The following SEZ6L variants were observed in gnomAD, a reference collection of about 807,000 sequenced individuals.
SEZ6L encodes the protein seizure related 6 homolog like.
In SEZ6L, 37 loss-of-function variants were observed where a neutral mutation model predicts 106.2. The observed-to-expected ratio is 0.35, with a 90% confidence interval of 0.27 to 0.46. The LOEUF is 0.46. Ranked by LOEUF, SEZ6L falls within the 20% of genes least tolerant of loss-of-function variation. The pLI is 1.00. For missense variants in SEZ6L, 1,172 were observed against 1,332.8 expected (o/e 0.88, Z 1.88); for synonymous variants, 541 against 570.4 (o/e 0.95, Z 0.73).
intron 1 of SEZ6L, among the ~76,000 whole-genome samples, chr22:26,282,730 C>G (rs2080812626): frequency 6.6e-6 from 1 of 152,114 alleles, no homozygotes; most frequent in Admixed American, 6.5e-5. Context: ...TCCAGCTGCC[C>G]CAGATTCCAT....
At chr22:26,324,699 A>C (rs1043148572) in intron 9 of SEZ6L, among the ~76,000 whole-genome samples, 2 of 152,194 alleles carry the variant, frequency 1.3e-5, no homozygotes, top group Non-Finnish European at 2.9e-5. Flanking sequence ...GCAAGAGGAG[A>C]CAGGATTTCC....
intron 1 of SEZ6L, among the ~76,000 whole-genome samples, chr22:26,219,167 C>T (rs2078383578): frequency 6.6e-6 from 1 of 151,964 alleles, no homozygotes; most frequent in Non-Finnish European, 1.5e-5. Flanking sequence ...ATAGCATCAC[C>T]TTACTCACAG....
chr22:26,285,986 C>T (rs2080922640), intron 1 of SEZ6L, among the ~76,000 whole-genome samples: 1 of 152,214 alleles, frequency 6.6e-6, no homozygotes, highest in African/African-American at 2.4e-5. Flanking sequence ...TATTTATTTT[C>T]AGTTTTGTCC....
chr22:26,305,904 C>G (rs1281289477), intron 5 of SEZ6L, 75 bp from the exon 6 acceptor site: 11 of 1,314,498 alleles, frequency 8.4e-6, no homozygotes, highest in Non-Finnish European at 1.1e-5. Context: ...CTCTCTCTCT[C>G]TTTCTCTCTG....
chr22:26,311,818 A>G lies in SEZ6L; in HGVS notation c.1732A>G (p.Thr578Ala), dbSNP rs1192544833. 1 of 1,614,068 alleles carries G rather than the reference A, an allele frequency of 6.2e-7. No individual in the cohort carries two copies. Among genetic ancestry groups the G allele is most frequent in the African/African-American group, 1.3e-5 (1 of 74,926 alleles). Residue 578 changes from threonine to alanine, a missense_variant, in exon 8 of 17, where the codon ACT becomes GCT. By Grantham distance (58) the Thr-to-Ala change is moderately conservative. Coordinates refer to ENST00000248933, the MANE Select transcript of SEZ6L (RefSeq NM_021115.5). ...GCCCTACATCCAGAATGGGAACTTC[A>G]CTACATCCGACCCGACCTATAACAT... ...YEPYIQNGNF[T>A]TSDPTYNIGT...
chr22:26,326,950 T>A (rs1381888863), intron 9 of SEZ6L, among the ~76,000 whole-genome samples: 2 of 152,108 alleles, frequency 1.3e-5, no homozygotes, highest in African/African-American at 2.4e-5. Flanking sequence ...CTTGGAGGAG[T>A]TCCCACGCCA....
intron 1 of SEZ6L, among the ~76,000 whole-genome samples, chr22:26,195,250 A>G (rs753323385): frequency 6.6e-6 from 1 of 152,232 alleles, no homozygotes; most frequent in Non-Finnish European, 1.5e-5. Context: ...ATGATAAAGC[A>G]AAGAGGGGGT....
intron 9 of SEZ6L, among the ~76,000 whole-genome samples, chr22:26,332,550 G>T (rs2082519432): frequency 6.6e-6 from 1 of 151,400 alleles, no homozygotes; most frequent in Non-Finnish European, 1.5e-5. Context: ...GTGCTCAAGT[G>T]ATCTTCCCAC....
intron 16 of SEZ6L, among the ~76,000 whole-genome samples, chr22:26,379,614 A>T (rs1403015950): frequency 6.9e-6 from 1 of 145,964 alleles, no homozygotes; most frequent in Non-Finnish European, 1.5e-5. Flanking sequence ...CATTACTCAC[A>T]CTCCATAAAT....
At chr22:26,298,305 C>T (rs11703422) in intron 4 of SEZ6L, among the ~76,000 whole-genome samples, 1 of 152,162 alleles carries the variant, frequency 6.6e-6, no homozygotes, top group African/African-American at 2.4e-5. Flanking sequence ...GGTGAAGAAG[C>T]TAGGATGAAT....
chr22:26,212,294 G>A (rs1455542530), intron 1 of SEZ6L, among the ~76,000 whole-genome samples: 1 of 152,144 alleles, frequency 6.6e-6, no homozygotes, highest in Non-Finnish European at 1.5e-5. Flanking sequence ...TTTCAGCCAG[G>A]AAACTCCATT....
chr22:26,310,919 T>C (rs666627), intron 7 of SEZ6L, 83 bp downstream of exon 7: 325,693 of 1,399,330 alleles, frequency 0.23, 40,359 homozygotes, highest in Non-Finnish European at 0.26. Flanking sequence ...GATAGAAATC[T>C]GGGCTGCGAA....
chr22:26,240,086 A>ACACT (rs2079074216), intron 1 of SEZ6L, among the ~76,000 whole-genome samples: 1 of 122,288 alleles, frequency 8.2e-6, no homozygotes, highest in Non-Finnish European at 1.7e-5. Flanking sequence ...ACACACACAC[A>ACACT]CACACTCACA....
chr22:26,184,250 C>T (rs1412673169), intron 1 of SEZ6L, among the ~76,000 whole-genome samples: 1 of 152,106 alleles, frequency 6.6e-6, no homozygotes, highest in Admixed American at 6.5e-5. Context: ...CTAGAATTCC[C>T]CCAAGTCAGG....
At chr22:26,307,839 A>G (rs1173961128) in intron 6 of SEZ6L, among the ~76,000 whole-genome samples, 1 of 152,160 alleles carries the variant, frequency 6.6e-6, no homozygotes, top group Non-Finnish European at 1.5e-5. Context: ...GAGACAAAAG[A>G]ATGCATCAAA....
rs763376330 is a variant in SEZ6L at position 26,310,815 on chromosome 22, A to G, written c.1660A>G (p.Thr554Ala). The part of the protein sequence containing the change: ...FTSDQARAAS[T>A]FNIRFEAFEK... ...GTCCGACCAGGCCCGGGCGGCCTCC[A>G]CCTTCAACATCCGATTTGAAGGTGA... Residue 554 changes from threonine to alanine, a missense_variant, in exon 7 of 17, where the codon ACC becomes GCC. This residue lies in a region of SEZ6L where 534 missense variants were observed against 691.0 expected (regional missense o/e 0.77). Coordinates refer to ENST00000248933, the MANE Select transcript of SEZ6L (RefSeq NM_021115.5). 2 of 1,613,914 alleles carry G rather than the reference A, an allele frequency of 1.2e-6. No homozygotes were observed. The highest frequency in any genetic ancestry group is 1.7e-5 in the Admixed American group (1 of 60,012).
rs769088373 is a variant in SEZ6L, at chr22:26,281,374, C to CTT, written c.95-11015_95-11014dup. ...TTTCTTTTCTTTTCTTTCTTTCTTT[C>CTT]TTTTTTTTTTTTTTTTTTGAGACGG... On this transcript the variant is annotated intron_variant, in intron 1 of 16. Coordinates refer to ENST00000248933, the MANE Select transcript of SEZ6L (RefSeq NM_021115.5). Among the ~76,000 whole-genome samples, 721 of 130,592 alleles carry CTT rather than the reference C, an allele frequency of 5.5e-3. 20 individuals are homozygous for CTT. The highest frequency in any genetic ancestry group is 0.019 in the African/African-American group (646 of 34,246). The allele number at this position is 130,592 out of a possible 152,430, so 85.7% of individuals were successfully genotyped here.
At chr22:26,377,608 G>T in intron 15 of SEZ6L, 65 bp from the exon 16 acceptor site, 1 of 1,339,752 alleles carries the variant, frequency 7.5e-7, no homozygotes, top group South Asian at 1.2e-5. Flanking sequence ...AACTGTTCCC[G>T]TTCAATATTG....
intron 9 of SEZ6L, among the ~76,000 whole-genome samples, chr22:26,330,174 G>A (rs1036120997): frequency 6.6e-6 from 1 of 152,218 alleles, no homozygotes; most frequent in African/African-American, 2.4e-5. Context: ...CCTTCAGGGA[G>A]CCGACACAGG....
Sources: gnomAD v4.1 joint callset for allele counts (sites outside exome capture counted in the v4.1 genomes callset) on GRCh38, gnomAD v4.1.1 for gene constraint, gnomAD v4.1.1 regional missense constraint, MANE v1.5 for transcripts, NCBI Gene and HGNC (gene_info 2026-07-23, HGNC 2026-07-21) for gene names.